The following IL1RAPL1 variants were observed in gnomAD, a reference collection of about 807,000 sequenced individuals.
The protein encoded by IL1RAPL1 is interleukin 1 receptor accessory protein like 1, also known as interleukin-1 receptor accessory protein-like 1.
Under a neutral mutation model 48.4 loss-of-function variants are expected in IL1RAPL1, and 3 were observed. The observed-to-expected ratio is 0.06, with a 90% CI of 0.03 to 0.16. IL1RAPL1 has a LOEUF of 0.16. Among genes scored for constraint, IL1RAPL1 ranks in the 10% least tolerant of loss-of-function variants. IL1RAPL1 has a pLI of 1.00. For missense variants in IL1RAPL1, 349 were observed against 530.6 expected (o/e 0.66, Z 3.36); for synonymous variants, 185 against 187.7 (o/e 0.99, Z 0.12).
chrX:29,646,520 G>A (rs773735329), intron 5 of IL1RAPL1, among the ~76,000 whole-genome samples: 1 of 111,209 alleles, frequency 9.0e-6, no homozygotes, highest in African/African-American at 3.3e-5. Flanking sequence ...GGAATATAAA[G>A]CTATAGAAAG....
intron 2 of IL1RAPL1, among the ~76,000 whole-genome samples, chrX:28,974,003 C>T (rs1299208793): frequency 2.7e-5 from 3 of 111,902 alleles, no homozygotes; most frequent in Admixed American, 9.5e-5. Flanking sequence ...GGAGATTATG[C>T]GTTTGTTTTA....
At chrX:29,231,030 C>G (rs1436158831) in intron 2 of IL1RAPL1, among the ~76,000 whole-genome samples, 1 of 112,181 alleles carries the variant, frequency 8.9e-6, no homozygotes, top group Non-Finnish European at 1.9e-5. Context: ...GAATCTGCTG[C>G]TACAAGATAT....
At chrX:29,180,814 A>G (rs1219669784) in intron 2 of IL1RAPL1, among the ~76,000 whole-genome samples, 1 of 111,840 alleles carries the variant, frequency 8.9e-6, no homozygotes, top group African/African-American at 3.3e-5. Flanking sequence ...ACTTTGCTAC[A>G]TTGCTAAGAA....
chrX:29,616,088 C>T (rs1334734984), intron 5 of IL1RAPL1, among the ~76,000 whole-genome samples: 2 of 111,855 alleles, frequency 1.8e-5, no homozygotes, highest in Non-Finnish European at 3.8e-5. Flanking sequence ...GGAACAGAGA[C>T]AGGGTCCCAA....
At chrX:29,690,033 A>G (rs1399665009) in intron 6 of IL1RAPL1, among the ~76,000 whole-genome samples, 2 of 111,807 alleles carry the variant, frequency 1.8e-5, no homozygotes, top group Non-Finnish European at 3.8e-5. Context: ...GATTTGCAAA[A>G]GGTCAGAGTT....
chrX:28,955,056 T>G (rs1168813205), intron 2 of IL1RAPL1, among the ~76,000 whole-genome samples: 1 of 112,161 alleles, frequency 8.9e-6, no homozygotes, highest in Non-Finnish European at 1.9e-5. Context: ...TTAAATGTTT[T>G]ATGCAGAAAT....
chrX:29,149,474 A>G (rs1009828944), intron 2 of IL1RAPL1, among the ~76,000 whole-genome samples: 15 of 111,888 alleles, frequency 1.3e-4, no homozygotes, highest in African/African-American at 3.9e-4. Context: ...CCATCGTCTG[A>G]TGGCCCTGTT....
intron 5 of IL1RAPL1, among the ~76,000 whole-genome samples, chrX:29,517,007 T>C (rs957011358): frequency 1.2e-4 from 13 of 111,638 alleles, no homozygotes; most frequent in Non-Finnish European, 2.3e-4. Flanking sequence ...TTTTGGATAC[T>C]AGGTGTTTGA....
At chrX:29,737,389 G>A (rs2147133375) in intron 6 of IL1RAPL1, among the ~76,000 whole-genome samples, 1 of 111,926 alleles carries the variant, frequency 8.9e-6, no homozygotes, top group South Asian at 3.7e-4. Context: ...AGCTCACTGA[G>A]AGAAGGGTGT....
intron 5 of IL1RAPL1, among the ~76,000 whole-genome samples, chrX:29,426,384 TAC>T (rs1934350305): frequency 1.8e-5 from 2 of 111,687 alleles, no homozygotes; most frequent in South Asian, 7.4e-4. Context: ...ACGAACCAAT[TAC>T]AGTTCTGAGA....
chrX:29,172,772 A>G (rs1162003148), intron 2 of IL1RAPL1, among the ~76,000 whole-genome samples: 1 of 111,900 alleles, frequency 8.9e-6, no homozygotes, highest in Non-Finnish European at 1.9e-5. Flanking sequence ...GACAAGCCGG[A>G]AGACTTTGGG....
chrX:29,759,729 G>T (rs1255450032), intron 6 of IL1RAPL1, among the ~76,000 whole-genome samples: 1 of 111,667 alleles, frequency 9.0e-6, no homozygotes, highest in Non-Finnish European at 1.9e-5. Context: ...GGAATTTGAT[G>T]ATCACATTTA....
In IL1RAPL1 at chrX:28,849,040, C is replaced by T. The variant is rs908082245; in HGVS notation, c.82+59615C>T. Among the ~76,000 whole-genome samples, 6 of 110,259 alleles carry T rather than the reference C, an allele frequency of 5.4e-5. No individual in the cohort carries two copies. In the East Asian group the frequency reaches 1.4e-3, roughly 27 times the overall value. On this transcript the variant is annotated intron_variant, in intron 2 of 10. Coordinates refer to ENST00000378993, the MANE Select transcript of IL1RAPL1 (RefSeq NM_014271.4). ...TTATTGTCTAAAACCTAGCAATTTT[C>T]TCTGTAAACTTTATCATTTTGCATT... is the stretch of plus-strand genomic sequence containing the variant.
At chrX:28,786,220 T>G (rs934527481) in intron 1 of IL1RAPL1, among the ~76,000 whole-genome samples, 1 of 111,740 alleles carries the variant, frequency 8.9e-6, no homozygotes. Context: ...ATCTCAGCAC[T>G]TTGGGAGGCC....
chrX:29,559,893 TTTCTC>T (rs1369116673), intron 5 of IL1RAPL1, among the ~76,000 whole-genome samples: 2 of 111,860 alleles, frequency 1.8e-5, no homozygotes, highest in Admixed American at 1.9e-4. Flanking sequence ...TTTTAAAACT[TTTCTC>T]TTTTAACTTT....
At chrX:29,054,790 T>C (rs1022785633) in intron 2 of IL1RAPL1, among the ~76,000 whole-genome samples, 1 of 112,121 alleles carries the variant, frequency 8.9e-6, no homozygotes, top group Admixed American at 9.5e-5. Flanking sequence ...CGTGACATAC[T>C]ATTTTATTTT....
intron 5 of IL1RAPL1, among the ~76,000 whole-genome samples, chrX:29,484,679 T>C (rs189171049): frequency 7.8e-4 from 87 of 111,585 alleles, no homozygotes; most frequent in Non-Finnish European, 1.0e-3. Context: ...TTGAAATCGG[T>C]GACAGAGGTA....
chrX:29,814,976 T>C (rs2147179900), intron 6 of IL1RAPL1, among the ~76,000 whole-genome samples: 1 of 112,035 alleles, frequency 8.9e-6, no homozygotes, highest in Admixed American at 9.5e-5. Context: ...CCATTTTTGT[T>C]ATTGTAGCCT....
intron 2 of IL1RAPL1, among the ~76,000 whole-genome samples, chrX:28,815,244 T>C (rs1310139398): frequency 1.8e-5 from 2 of 111,001 alleles, no homozygotes; most frequent in Non-Finnish European, 3.8e-5. Flanking sequence ...CCTCAAGTTT[T>C]GTTTGCCAGA....
Sources: gnomAD v4.1 joint callset for allele counts (sites outside exome capture counted in the v4.1 genomes callset) on GRCh38, gnomAD v4.1.1 for gene constraint, MANE v1.5 for transcripts, NCBI Gene and HGNC (gene_info 2026-07-23, HGNC 2026-07-21) for gene names.